Variants in CCDC141 observed in about 807,000 individuals in gnomAD.
CCDC141 encodes coiled-coil domain-containing protein 141.
CCDC141 carries 168 observed loss-of-function variants against 181.0 expected under a neutral mutation model. That is an observed-to-expected ratio of 0.93 (90% CI 0.82 to 1.05). The LOEUF is 1.05. Among genes scored for constraint, CCDC141 ranks in the 50% least tolerant of loss-of-function variants. CCDC141 has a pLI of 0.00. For synonymous variants in CCDC141, 666 were observed against 642.3 expected, an observed-to-expected ratio of 1.04 and a Z score of -0.56; for missense variants, 1,902 against 1,788.5, an observed-to-expected ratio of 1.06 and a Z score of -1.14.
chr2:178,871,550 A>G lies in CCDC141; in HGVS notation c.2082T>C (p.Thr694=). 6.2e-7 allele frequency: 1 copy of G among 1,612,984 alleles called. No individual in the cohort carries two copies. The highest frequency in any genetic ancestry group is 8.5e-7 in the Non-Finnish European group (1 of 1,179,646). ...CCTGAAGAAGTTTTAAGTTGTGAGAAGTCTGAAATAAATATTGGACAGTTA... is the reference window on the plus strand; with the variant it reads ...CCTGAAGAAGTTTTAAGTTGTGAGAGGTCTGAAATAAATATTGGACAGTTA... ...WAAFKEQLKK[T]SHNLKLLQEA... The change falls in exon 14 of 24, where the codon ACT becomes ACC. Residue 694 remains threonine (T), a splice_region_variant and synonymous_variant. Coordinates refer to ENST00000443758, the MANE Select transcript of CCDC141 (RefSeq NM_173648.4).
At chr2:179,007,818 G>T (rs2042157670) in intron 2 of CCDC141, among the ~76,000 whole-genome samples, 1 of 152,088 alleles carries the variant, frequency 6.6e-6, no homozygotes, top group African/African-American at 2.4e-5. Context: ...GTCAAGTTTG[G>T]CTTCAAATGA....
intron 2 of CCDC141, among the ~76,000 whole-genome samples, chr2:178,989,719 T>C (rs1474674419): frequency 6.9e-6 from 1 of 145,912 alleles, no homozygotes; most frequent in Non-Finnish European, 1.5e-5. Flanking sequence ...CAAAGATATA[T>C]AAATGGCAAA....
intron 7 of CCDC141, among the ~76,000 whole-genome samples, chr2:178,911,699 G>C (rs1227683523): frequency 6.6e-6 from 1 of 152,200 alleles, no homozygotes; most frequent in Non-Finnish European, 1.5e-5. Flanking sequence ...CACATGGCCA[G>C]TCATTTATTC....
chr2:179,015,106 T>TATATATATAAA (rs2042418475), intron 2 of CCDC141, among the ~76,000 whole-genome samples: 2 of 24,006 alleles, frequency 8.3e-5, no homozygotes, highest in Non-Finnish European at 3.4e-4. Context: ...ATATATATAA[T>TATATATATAAA]ATATATATAA....
chr2:179,015,690 CATATCTCATATAT>C (rs376619648), intron 2 of CCDC141, among the ~76,000 whole-genome samples: 5,312 of 124,438 alleles, frequency 0.043, 145 homozygotes, highest in African/African-American at 0.063. Flanking sequence ...ATATCTCATA[CATATCTCATATAT>C]ATATCTCATA....
At chr2:179,048,018 A>G (rs1250832935) in intron 1 of CCDC141, among the ~76,000 whole-genome samples, 1 of 152,148 alleles carries the variant, frequency 6.6e-6, no homozygotes, top group African/African-American at 2.4e-5. Flanking sequence ...ACAAAATTAG[A>G]TGCCTGTGAC....
chr2:178,924,487 ATT>A (rs201542376), intron 6 of CCDC141, among the ~76,000 whole-genome samples: 1 of 148,122 alleles, frequency 6.8e-6, no homozygotes, highest in African/African-American at 2.5e-5. Flanking sequence ...TCTGCTTAAG[ATT>A]TTTTTTTTTT....
chr2:179,018,415 A>C (rs1440932830), intron 2 of CCDC141, among the ~76,000 whole-genome samples: 1 of 152,194 alleles, frequency 6.6e-6, no homozygotes, highest in African/African-American at 2.4e-5. Flanking sequence ...ACTTAAAAGT[A>C]AAGAACACAA....
At chr2:179,047,521 C>A in intron 1 of CCDC141, 115 bp from the exon 2 acceptor site, 2 of 910,450 alleles carry the variant, frequency 2.2e-6, no homozygotes, top group African/African-American at 3.4e-5. Flanking sequence ...ACACTTTTTT[C>A]TATTTTCTAT....
At chr2:178,838,341 C>T (rs1684577348) in intron 22 of CCDC141, among the ~76,000 whole-genome samples, 1 of 152,198 alleles carries the variant, frequency 6.6e-6, no homozygotes. Flanking sequence ...TGCCATCCAT[C>T]TCCAGAACTT....
At chr2:178,818,274 T>A in the CCDC141 span, among the ~76,000 whole-genome samples, 1 of 152,206 alleles carries the variant, frequency 6.6e-6, no homozygotes, top group Non-Finnish European at 1.5e-5. Flanking sequence ...TAAAGGTGAC[T>A]TTTTAAAATT....
At chr2:178,948,475 T>C (rs529783386) in intron 5 of CCDC141, among the ~76,000 whole-genome samples, 184 of 152,236 alleles carry the variant, frequency 1.2e-3, no homozygotes, top group African/African-American at 4.3e-3. Context: ...TTTTAAAAAG[T>C]GGAGTCAGGA....
chr2:178,963,033 A>T (rs891301236), intron 4 of CCDC141, among the ~76,000 whole-genome samples: 1 of 152,238 alleles, frequency 6.6e-6, no homozygotes, highest in African/African-American at 2.4e-5. Context: ...CTCCACTGCA[A>T]CATGAGGATA....
At chr2:178,840,915 T>C (rs1418511227) in intron 22 of CCDC141, among the ~76,000 whole-genome samples, 2 of 152,208 alleles carry the variant, frequency 1.3e-5, no homozygotes. Context: ...TTTTCTCAAA[T>C]CTTTTTCTGG....
At chr2:178,869,451 G>C in intron 14 of CCDC141, 146 bp from the exon 15 acceptor site, 1 of 585,916 alleles carries the variant, frequency 1.7e-6, no homozygotes. Context: ...CAAAATATTT[G>C]GGCATTGTGC....
chr2:178,983,485 GAGA>G (rs1691547557), intron 2 of CCDC141, among the ~76,000 whole-genome samples: 1 of 151,934 alleles, frequency 6.6e-6, no homozygotes, highest in African/African-American at 2.4e-5. Flanking sequence ...GACGAGCTGA[GAGA>G]AGAAGGCTTC....
chr2:178,989,704 T>C (rs1237070288), intron 2 of CCDC141, among the ~76,000 whole-genome samples: 1 of 149,430 alleles, frequency 6.7e-6, no homozygotes, highest in African/African-American at 2.5e-5. Flanking sequence ...AAGACATTTC[T>C]CCAACAAAGA....
At chr2:179,045,509 T>A (rs1431373683) in intron 2 of CCDC141, among the ~76,000 whole-genome samples, 1 of 152,136 alleles carries the variant, frequency 6.6e-6, no homozygotes, top group African/African-American at 2.4e-5. Context: ...TGATTTATAG[T>A]CCTTTGGGTA....
intron 7 of CCDC141, among the ~76,000 whole-genome samples, chr2:178,914,970 C>T (rs1688377816): frequency 6.6e-6 from 1 of 151,870 alleles, no homozygotes; most frequent in Non-Finnish European, 1.5e-5. Context: ...ATCCCTTGAG[C>T]CCAGGAGCTC....
Sources: allele counts gnomAD v4.1 joint callset (sites outside exome capture counted in the v4.1 genomes callset), GRCh38; gene constraint gnomAD v4.1.1; transcripts MANE v1.5; gene names NCBI Gene and HGNC (gene_info 2026-07-23, HGNC 2026-07-21).